Variants in BARX2 observed in about 807,000 individuals in gnomAD.
BARX2 encodes the protein BARX homeobox 2, also known as homeobox protein BarH-like 2.
Under a neutral mutation model 25.5 loss-of-function variants are expected in BARX2, and 11 were observed. The ratio of observed to expected loss-of-function variants is 0.43; its 90% confidence interval spans 0.27 to 0.71. BARX2 has a LOEUF of 0.71. Among genes scored for constraint, BARX2 ranks in the 30% least tolerant of loss-of-function variants. The pLI, the probability that BARX2 is intolerant of heterozygous loss-of-function variation, is 0.19. For missense variants in BARX2, 360 were observed against 359.9 expected, an observed-to-expected ratio of 1.00 and a Z score of 0.00; for synonymous variants, 137 against 149.5, an observed-to-expected ratio of 0.92 and a Z score of 0.61.
intron 1 of BARX2, among the ~76,000 whole-genome samples, chr11:129,434,421 T>TAAAAAAAAAAAAAAAAAAAAA (rs56344103): frequency 2.6e-4 from 20 of 76,390 alleles, no homozygotes; most frequent in South Asian, 7.2e-4. Context: ...AAAAAGTAAG[T>TAAAAAAAAAAAAAAAAAAAAA]AAAAAAAAAA....
chr11:129,446,515 CATATAGGATACAGCCA>C (rs1303790012), intron 3 of BARX2, among the ~76,000 whole-genome samples: 2 of 152,004 alleles, frequency 1.3e-5, no homozygotes, highest in African/African-American at 4.8e-5. Flanking sequence ...TAGGACCTGC[CATATAGGATACAGCCA>C]AGAGATGTTA....
At chr11:129,423,247 G>A (rs1049801063) in intron 1 of BARX2, among the ~76,000 whole-genome samples, 1 of 151,548 alleles carries the variant, frequency 6.6e-6, no homozygotes, top group Admixed American at 6.6e-5. Flanking sequence ...CTCCCGAGTA[G>A]CTGGGATTAC....
At chr11:129,383,145 C>G (rs1861585533) in intron 1 of BARX2, among the ~76,000 whole-genome samples, 1 of 152,108 alleles carries the variant, frequency 6.6e-6, no homozygotes, top group South Asian at 2.1e-4. Flanking sequence ...TGTTTTTTAA[C>G]CAGAAAACCT....
At chr11:129,419,679 A>G (rs761008189) in intron 1 of BARX2, among the ~76,000 whole-genome samples, 2 of 152,092 alleles carry the variant, frequency 1.3e-5, no homozygotes, top group Non-Finnish European at 2.9e-5. Flanking sequence ...GGAATCTAAA[A>G]GACACCAGGC....
At chr11:129,401,441 A>C (rs1861774527) in intron 1 of BARX2, among the ~76,000 whole-genome samples, 1 of 152,202 alleles carries the variant, frequency 6.6e-6, no homozygotes, top group South Asian at 2.1e-4. Context: ...TCTTTAAATT[A>C]TTTTTTAAAA....
In BARX2 at chr11:129,451,523, T is replaced by C. The variant is rs916578939; in HGVS notation, c.*121T>C. The C allele has an allele frequency of 8.8e-7, 1 of 1,136,606 alleles. No individual in the cohort carries two copies. The highest frequency in any genetic ancestry group is 1.8e-5 in the African/African-American group (1 of 54,558). 70.4% of individuals were successfully genotyped at this position (1,136,606 alleles called of 1,614,324 possible). On this transcript the variant is annotated 3_prime_UTR_variant, in exon 4 of 4. Coordinates refer to ENST00000281437, the MANE Select transcript of BARX2 (RefSeq NM_003658.5). ...AACTGCGGGCGAAGAGATCTACCCGTCTCCCTCCCTCCCACAGTTACCATT... is the reference window on the plus strand; with the variant it reads ...AACTGCGGGCGAAGAGATCTACCCGCCTCCCTCCCTCCCACAGTTACCATT...
At chr11:129,425,874 C>T (rs1179222101) in intron 1 of BARX2, among the ~76,000 whole-genome samples, 1 of 152,100 alleles carries the variant, frequency 6.6e-6, no homozygotes, top group Non-Finnish European at 1.5e-5. Context: ...CCTTTGTAAA[C>T]TTCTTAAGTT....
chr11:129,404,001 G>A (rs1861804017), intron 1 of BARX2, among the ~76,000 whole-genome samples: 1 of 152,188 alleles, frequency 6.6e-6, no homozygotes, highest in African/African-American at 2.4e-5. Flanking sequence ...ACCAGAACAA[G>A]GGTTTGGAGT....
chr11:129,406,566 A>T (rs1861832476), intron 1 of BARX2, among the ~76,000 whole-genome samples: 1 of 150,444 alleles, frequency 6.6e-6, no homozygotes, highest in African/African-American at 2.4e-5. Context: ...AGTGTAGGAG[A>T]GGTGGCTGCT....
intron 1 of BARX2, among the ~76,000 whole-genome samples, chr11:129,402,194 C>G (rs902622180): frequency 2.0e-5 from 3 of 152,010 alleles, no homozygotes; most frequent in African/African-American, 4.8e-5. Flanking sequence ...CCTTAAGAGG[C>G]ATCGCTGTAT....
At chr11:129,414,102 G>A (rs1406974217) in intron 1 of BARX2, among the ~76,000 whole-genome samples, 1 of 151,920 alleles carries the variant, frequency 6.6e-6, no homozygotes, top group Non-Finnish European at 1.5e-5. Context: ...TAATAGCTCG[G>A]GGATTATTTA....
At position 129,435,937 on chromosome 11, in the gene BARX2, T is replaced by A. The variant is rs1862183334; in HGVS notation, c.188-814T>A. Among the ~76,000 whole-genome samples the A allele has an allele frequency of 2.0e-5, 3 of 152,308 alleles. No homozygotes were observed. In the South Asian group the frequency reaches 6.2e-4, roughly 32 times the overall value. On this transcript the variant is annotated intron_variant, in intron 1 of 3. Coordinates refer to ENST00000281437, the MANE Select transcript of BARX2 (RefSeq NM_003658.5). ...CCCGGCCACATGCCCATAGCAGACA[T>A]TGTTAATCGACCCAGCACCTTTTCC...
chr11:129,451,336 G>A lies in BARX2; in HGVS notation c.774G>A (p.Met258Ile), dbSNP rs1212574262. The change falls in exon 4 of 4, where the codon ATG (methionine) becomes ATA (isoleucine). Residue 258 changes from methionine to isoleucine, a missense_variant. Met to Ile is a conservative substitution (Grantham distance 10, BLOSUM62 1). Transcript: ENST00000281437. ...AAGCACGTGATGTCCCCTTAGAGAT[G>A]GCAGAGCCACCAGACCCGCCCCAGG... The part of the protein sequence containing the change: ...EPKARDVPLE[M>I]AEPPDPPQEL... The A allele has an allele frequency of 6.2e-7, 1 of 1,614,136 alleles. No individual in the cohort carries two copies.
chr11:129,419,274 T>A (rs1252758041), intron 1 of BARX2, among the ~76,000 whole-genome samples: 1 of 152,034 alleles, frequency 6.6e-6, no homozygotes, highest in African/African-American at 2.4e-5. Flanking sequence ...TTTATTTCAG[T>A]GTTTCATATT....
chr11:129,393,993 G>A (rs1227576369), intron 1 of BARX2, among the ~76,000 whole-genome samples: 1 of 152,074 alleles, frequency 6.6e-6, no homozygotes, highest in Non-Finnish European at 1.5e-5. Context: ...TGGGTTGCCT[G>A]GGTTCCCCTC....
chr11:129,428,911 G>A (rs1862098010), intron 1 of BARX2, among the ~76,000 whole-genome samples: 2 of 152,116 alleles, frequency 1.3e-5, no homozygotes, highest in South Asian at 2.1e-4. Flanking sequence ...CTCTTAGAGC[G>A]GAATTTGCAT....
At chr11:129,420,510 A>C (rs1482982038) in intron 1 of BARX2, among the ~76,000 whole-genome samples, 1 of 152,254 alleles carries the variant, frequency 6.6e-6, no homozygotes, top group African/African-American at 2.4e-5. Flanking sequence ...AGACTGGATT[A>C]GAAAAAATAA....
At position 129,451,831 on chromosome 11, in the gene BARX2, G is replaced by A. The variant is rs537810406; in HGVS notation, c.*429G>A. ...GGGCAGCATGCCCAGGTTCCTTGCT[G>A]ACTCAGCACTTATTTCTGTAGTTTT... On this transcript the variant is annotated 3_prime_UTR_variant, in exon 4 of 4. Transcript: ENST00000281437. 1 of 156,430 alleles carries A rather than the reference G, an allele frequency of 6.4e-6. No homozygotes were observed. Among genetic ancestry groups the A allele is most frequent in the Admixed American group, 6.5e-5 (1 of 15,360 alleles). The allele number at this position is 156,430 out of a possible 1,614,324, so 9.7% of individuals were successfully genotyped here. A position where few individuals can be genotyped will look rare whatever the true frequency, so the allele number is the denominator to read the frequency against.
In BARX2 at chr11:129,436,705, C is replaced by T; in HGVS notation, c.188-46C>T. On this transcript the variant is annotated intron_variant, in intron 1 of 3. Coordinates refer to ENST00000281437, the MANE Select transcript of BARX2 (RefSeq NM_003658.5). This position sits in a 1 kb window ranked among gnomAD's most constrained non-coding sequence, Gnocchi z 4.5. ...CCCTCCGCAGGTCCTGGCCTGCTTC[C>T]CCACACCGTTCCCTGTGGTGACCTG... The T allele has an allele frequency of 6.6e-7, 1 of 1,526,118 alleles. No individual in the cohort carries two copies. Among genetic ancestry groups the T allele is most frequent in the African/African-American group, 1.4e-5 (1 of 72,366 alleles). The allele number at this position is 1,526,118 out of a possible 1,614,324, so 94.5% of individuals were successfully genotyped here.
Sources: gnomAD v4.1 joint callset for allele counts (sites outside exome capture counted in the v4.1 genomes callset) on GRCh38, gnomAD v4.1.1 for gene constraint, Gnocchi (gnomAD v3.1) non-coding constraint, MANE v1.5 for transcripts, NCBI Gene and HGNC (gene_info 2026-07-23, HGNC 2026-07-21) for gene names.